The following ANKFN1 variants were observed in gnomAD, a reference collection of about 807,000 sequenced individuals.
ANKFN1 encodes ankyrin repeat and fibronectin type III domain containing 1.
Under a neutral mutation model 108.7 loss-of-function variants are expected in ANKFN1, and 74 were observed. That is an observed-to-expected ratio of 0.68 (90% confidence interval 0.56 to 0.83). The LOEUF (loss-of-function observed/expected upper bound fraction) is 0.83, where lower values mean the gene tolerates loss of function less well. Among genes scored for constraint, ANKFN1 ranks in the 40% least tolerant of loss-of-function variants. The probability of loss-of-function intolerance (pLI) is 0.00; values close to 1 mark genes in which losing one functional copy is unlikely to be tolerated. For synonymous variants in ANKFN1, 547 were observed against 516.2 expected (o/e 1.06, Z -0.81); for missense variants, 1,505 against 1,382.3 (o/e 1.09, Z -1.41).
chr17:56,096,615 C>A (rs1032994715), intron 4 of ANKFN1, among the ~76,000 whole-genome samples: 1 of 152,148 alleles, frequency 6.6e-6, no homozygotes, highest in Non-Finnish European at 1.5e-5. Flanking sequence ...CACAAAAATG[C>A]TGGCGAGGTT....
intron 2 of ANKFN1, among the ~76,000 whole-genome samples, chr17:56,219,394 G>A (rs1915681152): frequency 6.6e-6 from 1 of 151,864 alleles, no homozygotes; most frequent in African/African-American, 2.4e-5. Context: ...CTACAGGTGT[G>A]CACCACCATG....
intron 10 of ANKFN1, among the ~76,000 whole-genome samples, chr17:56,443,497 A>G (rs2049182561): frequency 6.6e-6 from 1 of 152,188 alleles, no homozygotes; most frequent in Admixed American, 6.5e-5. Context: ...CCCAGAGTAC[A>G]TACAGTCCAT....
chr17:56,077,830 C>A (rs542488358), intron 4 of ANKFN1, among the ~76,000 whole-genome samples: 1 of 152,200 alleles, frequency 6.6e-6, no homozygotes, highest in East Asian at 1.9e-4. Context: ...CCTCCAGAAC[C>A]AAGGAGAGAC....
chr17:56,155,625 G>A (rs1262456369), intron 1 of ANKFN1, among the ~76,000 whole-genome samples: 1 of 152,144 alleles, frequency 6.6e-6, no homozygotes, highest in Non-Finnish European at 1.5e-5. Flanking sequence ...GCTTGAGTCT[G>A]AGGACCCCCG....
chr17:56,313,152 CAAA>C (rs3027987), intron 3 of ANKFN1, among the ~76,000 whole-genome samples: 3 of 122,514 alleles, frequency 2.4e-5, no homozygotes, highest in South Asian at 2.8e-4. Flanking sequence ...GAATCCAACT[CAAA>C]AAAAAAAAAG....
intron 3 of ANKFN1, among the ~76,000 whole-genome samples, chr17:56,318,768 C>T (rs911184467): frequency 6.6e-6 from 1 of 152,102 alleles, no homozygotes; most frequent in African/African-American, 2.4e-5. Flanking sequence ...TTGGAGTCAA[C>T]GTCTTAGTTC....
chr17:56,249,125 T>G (rs943813778), intron 3 of ANKFN1, among the ~76,000 whole-genome samples: 1 of 152,074 alleles, frequency 6.6e-6, no homozygotes, highest in African/African-American at 2.4e-5. Context: ...CCTTTGAAAT[T>G]TTCCTAAGAG....
chr17:56,425,036 A>G (rs1598585942), intron 8 of ANKFN1, among the ~76,000 whole-genome samples: 2 of 152,220 alleles, frequency 1.3e-5, no homozygotes, highest in South Asian at 4.1e-4. Context: ...GACCCGTTAC[A>G]TACACCTGGA....
chr17:56,484,993 G>C (rs1331208666), intron 18 of ANKFN1, among the ~76,000 whole-genome samples: 1 of 152,156 alleles, frequency 6.6e-6, no homozygotes, highest in Non-Finnish European at 1.5e-5. Flanking sequence ...CACTCTTCTT[G>C]AGTAGCCACC....
intron 4 of ANKFN1, among the ~76,000 whole-genome samples, chr17:56,063,582 G>A (rs1905013113): frequency 6.6e-6 from 1 of 151,576 alleles, no homozygotes; most frequent in South Asian, 2.1e-4. Flanking sequence ...TACTTGTGCT[G>A]TTTTTCAGCT....
At chr17:56,070,119 A>G (rs192989196) in intron 4 of ANKFN1, among the ~76,000 whole-genome samples, 16 of 152,176 alleles carry the variant, frequency 1.1e-4, no homozygotes, top group Admixed American at 1.3e-4. Flanking sequence ...CCCACCTCCT[A>G]TCTCATTATG....
intron 3 of ANKFN1, among the ~76,000 whole-genome samples, chr17:56,247,425 G>C (rs1758672936): frequency 6.6e-6 from 1 of 152,032 alleles, no homozygotes; most frequent in African/African-American, 2.4e-5. Context: ...AACAACCCTA[G>C]GTAAAAACAA....
chr17:56,153,430 A>T (rs961582590), upstream of ANKFN1: 16 of 1,560,136 alleles, frequency 1.0e-5, no homozygotes, highest in Admixed American at 2.3e-4. Flanking sequence ...TGGCAACGGG[A>T]CCGTGTGGAC....
Position 56,372,740 on chromosome 17 carries a change from A to G in ANKFN1, c.696A>G (p.Glu232=), listed in dbSNP as rs565193763. The G allele has an allele frequency of 2.3e-5, 37 of 1,614,050 alleles. No individual in the cohort carries two copies. In the African/African-American group the frequency reaches 3.3e-4, roughly 15 times the overall value. ...VSELSAQVEN[E]GFTLDNTEKE... ...AACTGTCTGCCCAGGTGGAGAATGA[A>G]GGATTCACTCTGGACAACACAGAGA... Residue 232 remains glutamate (E), a synonymous_variant, in exon 7 of 21, where the codon GAA becomes GAG. Coordinates refer to ENST00000682825, the MANE Select transcript of ANKFN1 (RefSeq NM_001370326.1).
At chr17:56,286,476 G>GA (rs1206601483) in intron 3 of ANKFN1, among the ~76,000 whole-genome samples, 5 of 152,162 alleles carry the variant, frequency 3.3e-5, no homozygotes, top group African/African-American at 1.2e-4. Context: ...GGAATAATCT[G>GA]AAAATTCATT....
rs1598350355 is a variant in ANKFN1, at chr17:56,283,380, T to C, written c.54-42841T>C. 2.6e-5 allele frequency among the ~76,000 whole-genome samples: 4 copies of C among 152,120 alleles called. No homozygotes were observed. The East Asian group carries it at 7.7e-4, about 29-fold the overall frequency. ...CCATTTGATCCAGCAATCCCACTGC[T>C]AGGTATTTACCCAGAGGAAAAGAAG... is the stretch of plus-strand genomic sequence containing the variant. On this transcript the variant is annotated intron_variant, in intron 3 of 20. Transcript: ENST00000682825.
intron 3 of ANKFN1, among the ~76,000 whole-genome samples, chr17:56,272,007 G>A (rs148924311): frequency 2.0e-4 from 31 of 152,190 alleles, no homozygotes; most frequent in Middle Eastern, 3.4e-3. Flanking sequence ...GACTACAGTC[G>A]CAAACATTCT....
chr17:56,438,038 T>TA (rs1568001203), intron 8 of ANKFN1, among the ~76,000 whole-genome samples: 3 of 151,056 alleles, frequency 2.0e-5, no homozygotes, highest in Middle Eastern at 3.2e-3. Context: ...TTTGTAAGTA[T>TA]TTAATAAGCA....
At chr17:56,331,840 C>T (rs186964222) in intron 4 of ANKFN1, among the ~76,000 whole-genome samples, 1 of 152,162 alleles carries the variant, frequency 6.6e-6, no homozygotes, top group African/African-American at 2.4e-5. Context: ...GAGATACAAC[C>T]TCAGGGCATC....
Sources: gnomAD v4.1 joint callset for allele counts (sites outside exome capture counted in the v4.1 genomes callset) on GRCh38, gnomAD v4.1.1 for gene constraint, MANE v1.5 for transcripts, NCBI Gene and HGNC (gene_info 2026-07-23, HGNC 2026-07-21) for gene names.